CELF2: variants seen among roughly 807,000 people sequenced by gnomAD.
The protein encoded by CELF2 is CUGBP Elav-like family member 2.
CELF2 carries 8 observed loss-of-function variants against 62.6 expected under a neutral mutation model. That is an observed-to-expected ratio of 0.13 (90% CI 0.07 to 0.23). The LOEUF is 0.23. Ranked by LOEUF, CELF2 falls within the 10% of genes least tolerant of loss-of-function variation. The pLI, the probability that CELF2 is intolerant of heterozygous loss-of-function variation, is 1.00. For synonymous variants in CELF2, 258 were observed against 250.0 expected, an observed-to-expected ratio of 1.03 and a Z score of -0.30; for missense variants, 333 against 671.0, an observed-to-expected ratio of 0.50 and a Z score of 5.56.
intron 1 of CELF2, among the ~76,000 whole-genome samples, chr10:10,818,205 C>T (rs565112565): frequency 5.9e-5 from 9 of 152,236 alleles, no homozygotes; most frequent in East Asian, 5.8e-4. Context: ...TGTGTTAATA[C>T]GCATTCACAA....
intron 1 of CELF2, among the ~76,000 whole-genome samples, chr10:10,825,635 G>T (rs1426029004): frequency 6.6e-6 from 1 of 152,150 alleles, no homozygotes; most frequent in African/African-American, 2.4e-5. Flanking sequence ...CTTTGTAGGG[G>T]TCAGTCTTTA....
chr10:10,878,862 A>T (rs560422246), intron 1 of CELF2, among the ~76,000 whole-genome samples: 3 of 152,172 alleles, frequency 2.0e-5, no homozygotes, highest in Non-Finnish European at 4.4e-5. Context: ...CTGGGTGAAG[A>T]TCAGGGCCAG....
intron 4 of CELF2, among the ~76,000 whole-genome samples, chr10:11,254,426 T>TC (rs1162013813): frequency 6.6e-6 from 1 of 152,260 alleles, no homozygotes; most frequent in Non-Finnish European, 1.5e-5. Context: ...CCATTTTTTT[T>TC]CTTGGCTAAT....
the CELF2 span, among the ~76,000 whole-genome samples, chr10:10,644,402 C>CGTGTGT: frequency 0.029 from 4,293 of 149,936 alleles, 66 homozygotes; most frequent in Non-Finnish European, 0.031. Flanking sequence ...AGTGTGTGTT[C>CGTGTGT]GTGTGTGTGT....
chr10:10,553,726 A>G, the CELF2 span, among the ~76,000 whole-genome samples: 1 of 152,148 alleles, frequency 6.6e-6, no homozygotes, highest in Non-Finnish European at 1.5e-5. Context: ...CATCTGTGAA[A>G]GAGGATTTGC....
At chr10:10,769,062 C>G in the CELF2 span, among the ~76,000 whole-genome samples, 1 of 152,194 alleles carries the variant, frequency 6.6e-6, no homozygotes, top group Non-Finnish European at 1.5e-5. Flanking sequence ...TGTTTTTCCT[C>G]TCTTCATCCT....
At chr10:11,208,048 A>G (rs184843905) in intron 2 of CELF2, among the ~76,000 whole-genome samples, 150 of 152,310 alleles carry the variant, frequency 9.8e-4, no homozygotes, top group Middle Eastern at 6.8e-3. Context: ...CATTCTCCCT[A>G]TGAGAGGCAT....
chr10:11,123,451 A>G (rs1212374574), intron 1 of CELF2, among the ~76,000 whole-genome samples: 7 of 152,154 alleles, frequency 4.6e-5, no homozygotes, highest in South Asian at 2.1e-4. Context: ...GGGTCTGGCT[A>G]TGTTCCCCAG....
chr10:10,489,387 A>C, the CELF2 span, among the ~76,000 whole-genome samples: 1 of 152,128 alleles, frequency 6.6e-6, no homozygotes, highest in East Asian at 1.9e-4. Context: ...CATCACTGAT[A>C]ATTTTAAAAC....
chr10:11,049,076 C>CTT (rs2063392224), intron 1 of CELF2, among the ~76,000 whole-genome samples: 1 of 150,422 alleles, frequency 6.6e-6, no homozygotes, highest in Non-Finnish European at 1.5e-5. Flanking sequence ...AAGGAAATCA[C>CTT]TTGTTTTCTG....
intron 2 of CELF2, among the ~76,000 whole-genome samples, chr10:11,180,907 T>C (rs1022697558): frequency 6.6e-6 from 1 of 152,232 alleles, no homozygotes; most frequent in Admixed American, 6.5e-5. Flanking sequence ...TCTTGCTTTG[T>C]TGCCCAGGCT....
the CELF2 span, among the ~76,000 whole-genome samples, chr10:10,529,616 G>A: frequency 4.8e-3 from 723 of 149,386 alleles, 12 homozygotes; most frequent in Middle Eastern, 0.014. Context: ...CTCGGAAGGC[G>A]GAGGTTGCAG....
the CELF2 span, among the ~76,000 whole-genome samples, chr10:10,589,812 A>G: frequency 3.7e-4 from 56 of 152,352 alleles, no homozygotes; most frequent in African/African-American, 1.3e-3. Flanking sequence ...AAGGCTGGCT[A>G]GGATCCAGGT....
At chr10:10,552,041 T>C in the CELF2 span, among the ~76,000 whole-genome samples, 11 of 151,910 alleles carry the variant, frequency 7.2e-5, no homozygotes, top group South Asian at 2.3e-3. Flanking sequence ...TGGAACATAA[T>C]GCACAGTGTG....
chr10:10,897,663 G>C (rs969525308), intron 1 of CELF2, among the ~76,000 whole-genome samples: 6 of 152,162 alleles, frequency 3.9e-5, no homozygotes, highest in African/African-American at 1.4e-4. Flanking sequence ...GGGTCATCCA[G>C]GAAGGATCCA....
chr10:10,535,242 T>C, the CELF2 span, among the ~76,000 whole-genome samples: 6 of 152,150 alleles, frequency 3.9e-5, no homozygotes, highest in Non-Finnish European at 8.8e-5. Context: ...CACAGCATGA[T>C]TGCACTTGGG....
chr10:11,213,144 G>T (rs2062370363), intron 2 of CELF2, among the ~76,000 whole-genome samples: 1 of 152,198 alleles, frequency 6.6e-6, no homozygotes, highest in Non-Finnish European at 1.5e-5. Flanking sequence ...AGTAGGGAAG[G>T]TGGGTTTCCC....
At chr10:10,703,729 TACATTACATTCTGAATCCCA>T in the CELF2 span, among the ~76,000 whole-genome samples, 1 of 152,174 alleles carries the variant, frequency 6.6e-6, no homozygotes, top group African/African-American at 2.4e-5. Context: ...AAAATTGAGG[TACATTACATTCTGAATCCCA>T]ACATTACCCC....
chr10:11,076,842 T>G (rs951921540), intron 1 of CELF2, among the ~76,000 whole-genome samples: 1 of 152,200 alleles, frequency 6.6e-6, no homozygotes, highest in African/African-American at 2.4e-5. Context: ...TAGTATAATT[T>G]CAGGCTTACA....
Sources: allele counts gnomAD v4.1 joint callset (sites outside exome capture counted in the v4.1 genomes callset), GRCh38; gene constraint gnomAD v4.1.1; transcripts MANE v1.5; gene names NCBI Gene and HGNC (gene_info 2026-07-23, HGNC 2026-07-21).